NFIA: variants seen among roughly 807,000 people sequenced by gnomAD.
NFIA encodes nuclear factor 1 A-type.
Under a neutral mutation model 62.8 loss-of-function variants are expected in NFIA, and 8 were observed. That is an observed-to-expected ratio of 0.13 (90% CI 0.07 to 0.23). NFIA has a LOEUF of 0.23. Among genes scored for constraint, NFIA ranks in the 10% least tolerant of loss-of-function variants. NFIA has a pLI of 1.00. For synonymous variants in NFIA, 235 were observed against 238.1 expected (o/e 0.99, Z 0.12); for missense variants, 410 against 642.1 (o/e 0.64, Z 3.91).
rs973844131 is a variant in NFIA, at chr1:61,082,714, C to T, written c.-78C>T. 6.5e-7 allele frequency: 1 copy of T among 1,547,370 alleles called. No individual in the cohort carries two copies. Among genetic ancestry groups the T allele is most frequent in the Non-Finnish European group, 8.7e-7 (1 of 1,144,566 alleles). ...TCTCTCTCTTCCTCTCTCCCTCTTT[C>T]TCCTCTCTCACCCACACTCACGCAC... On this transcript the variant is annotated 5_prime_UTR_variant, in exon 1 of 11. Transcript: ENST00000403491.
chr1:61,305,645 A>G (rs879438099), intron 3 of NFIA, among the ~76,000 whole-genome samples: 14 of 152,168 alleles, frequency 9.2e-5, no homozygotes, highest in Non-Finnish European at 1.3e-4. Context: ...TGCTCTTCCA[A>G]TAGGATGGAA....
upstream of NFIA, among the ~76,000 whole-genome samples, chr1:61,078,844 C>T (rs1034880802): frequency 1.3e-5 from 2 of 152,196 alleles, no homozygotes; most frequent in Non-Finnish European, 2.9e-5. Context: ...TAGTTGGAGT[C>T]TGGCCTCTTG....
intron 9 of NFIA, among the ~76,000 whole-genome samples, chr1:61,425,382 A>G (rs1420074556): frequency 6.6e-6 from 1 of 152,224 alleles, no homozygotes; most frequent in African/African-American, 2.4e-5. Context: ...TGTGTTTTAA[A>G]AAGTTGCATA....
At chr1:61,136,312 A>C (rs1647189333) in intron 2 of NFIA, among the ~76,000 whole-genome samples, 1 of 152,208 alleles carries the variant, frequency 6.6e-6, no homozygotes. Flanking sequence ...GCTGAAACTA[A>C]GGCTGAGTTA....
At chr1:61,380,619 A>G (rs1664367722) in intron 6 of NFIA, among the ~76,000 whole-genome samples, 3 of 152,212 alleles carry the variant, frequency 2.0e-5, no homozygotes, top group Non-Finnish European at 4.4e-5. Context: ...TAACCAAAAC[A>G]TACATTATGT....
At chr1:61,221,093 T>C (rs1405561895) in intron 2 of NFIA, among the ~76,000 whole-genome samples, 2 of 152,310 alleles carry the variant, frequency 1.3e-5, no homozygotes, top group Non-Finnish European at 2.9e-5. Context: ...TGAATATAGC[T>C]TCCCCAAAAC....
At chr1:61,445,228 C>T (rs1569897775) in intron 10 of NFIA, among the ~76,000 whole-genome samples, 1 of 152,142 alleles carries the variant, frequency 6.6e-6, no homozygotes, top group East Asian at 1.9e-4. Flanking sequence ...CTGCCAATCA[C>T]GTATGCTATG....
chr1:61,345,165 G>A lies in NFIA; in HGVS notation c.701-7285G>A, dbSNP rs150480065. On this transcript the variant is annotated intron_variant, in intron 4 of 10. Transcript: ENST00000403491. ...CCATTTCCAAAAGTTAACCTTTTGA[G>A]AAAAACTCCTCGATAGAGCAAAATA... Among the ~76,000 whole-genome samples, 466 of 152,270 alleles carry A rather than the reference G, an allele frequency of 3.1e-3. 1 individual carries two copies. Among genetic ancestry groups the A allele is most frequent in the African/African-American group, 0.011 (448 of 41,546 alleles).
chr1:61,321,835 CAT>C (rs935488881), intron 3 of NFIA, among the ~76,000 whole-genome samples: 13 of 152,056 alleles, frequency 8.5e-5, no homozygotes, highest in African/African-American at 3.1e-4. Flanking sequence ...ATCTAATAGA[CAT>C]AGTCCTTTAA....
At chr1:61,359,048 A>G in intron 5 of NFIA, 99 bp from the exon 6 acceptor site, 3 of 1,525,374 alleles carry the variant, frequency 2.0e-6, no homozygotes, top group Non-Finnish European at 2.7e-6. Flanking sequence ...TAAGTTGCCC[A>G]ATTGCTTCCT....
intron 8 of NFIA, among the ~76,000 whole-genome samples, chr1:61,404,624 G>A (rs1665731162): frequency 6.6e-6 from 1 of 152,154 alleles, no homozygotes; most frequent in Non-Finnish European, 1.5e-5. Context: ...GAAAGACCAA[G>A]TAGTTTTAAA....
intron 8 of NFIA, among the ~76,000 whole-genome samples, chr1:61,406,247 AG>A (rs935931054): frequency 1.3e-5 from 2 of 152,178 alleles, no homozygotes; most frequent in African/African-American, 4.8e-5. Flanking sequence ...TTGGTTACTC[AG>A]GGGACAAATC....
Position 61,088,133 on chromosome 1 carries a change from T to C in NFIA, c.28-16T>C. 1 of 1,567,156 alleles carries C rather than the reference T, an allele frequency of 6.4e-7. No homozygotes were observed. Among genetic ancestry groups the C allele is most frequent in the Non-Finnish European group, 8.6e-7 (1 of 1,161,262 alleles). On this transcript the variant is annotated splice_polypyrimidine_tract_variant and intron_variant, in intron 1 of 10. Transcript: ENST00000403491. The surrounding 1 kb of genome is among the most constrained non-coding windows in gnomAD (Gnocchi z 4.5). ...TTTCATTCTACTTATATTTTTCTTT[T>C]TGTTCATTTTCCTAGGATGAATTTC...
intron 2 of NFIA, among the ~76,000 whole-genome samples, chr1:61,171,716 T>C (rs1649979936): frequency 6.6e-6 from 1 of 152,122 alleles, no homozygotes; most frequent in Non-Finnish European, 1.5e-5. Context: ...TGTGTGGGTG[T>C]GGATGTGATG....
chr1:61,403,542 A>G (rs1476090362), intron 7 of NFIA, among the ~76,000 whole-genome samples: 1 of 152,196 alleles, frequency 6.6e-6, no homozygotes, highest in African/African-American at 2.4e-5. Flanking sequence ...TGAAGGCGAC[A>G]TAAACCATCC....
chr1:61,265,131 A>G (rs551910614), intron 2 of NFIA, among the ~76,000 whole-genome samples: 9 of 152,330 alleles, frequency 5.9e-5, no homozygotes, highest in African/African-American at 1.9e-4. Flanking sequence ...CTTTGGTTAT[A>G]GATTAAAGTT....
intron 2 of NFIA, among the ~76,000 whole-genome samples, chr1:61,188,481 G>T (rs1371222013): frequency 6.6e-6 from 1 of 152,114 alleles, no homozygotes; most frequent in Non-Finnish European, 1.5e-5. Context: ...TTCCCCATAT[G>T]AGTTGTGCAT....
chr1:61,378,467 A>G (rs1275985713), intron 6 of NFIA, among the ~76,000 whole-genome samples: 1 of 152,196 alleles, frequency 6.6e-6, no homozygotes. Flanking sequence ...AACTTTCAGA[A>G]TTATAGAGAG....
rs1170412480 is a variant in NFIA at position 61,343,496 on chromosome 1, G to C, written c.701-8954G>C. ...TCTGTGTTAGCGGATGCCTTTCATG[G>C]GGTTAAAAAATATTCTACTGGCTTT... On this transcript the variant is annotated intron_variant, in intron 4 of 10. Coordinates refer to ENST00000403491, the MANE Select transcript of NFIA (RefSeq NM_001134673.4). 3.9e-5 allele frequency among the ~76,000 whole-genome samples: 6 copies of C among 152,270 alleles called. No homozygotes were observed. In the South Asian group the frequency reaches 1.2e-3, roughly 32 times the overall value.
Sources: gnomAD v4.1 joint callset for allele counts (sites outside exome capture counted in the v4.1 genomes callset) on GRCh38, gnomAD v4.1.1 for gene constraint, Gnocchi (gnomAD v3.1) non-coding constraint, MANE v1.5 for transcripts, NCBI Gene and HGNC (gene_info 2026-07-23, HGNC 2026-07-21) for gene names.